The following LRP1B variants were observed in gnomAD, a reference collection of about 807,000 sequenced individuals.
The protein encoded by LRP1B is low-density lipoprotein receptor-related protein 1B.
Under a neutral mutation model 556.6 loss-of-function variants are expected in LRP1B, and 217 were observed. The observed-to-expected ratio is 0.39, with a 90% CI of 0.35 to 0.44. The LOEUF (loss-of-function observed/expected upper bound fraction) is 0.44, where lower values mean the gene tolerates loss of function less well. Among genes scored for constraint, LRP1B ranks in the 20% least tolerant of loss-of-function variants. The probability of loss-of-function intolerance (pLI) is 1.00; values close to 1 mark genes in which losing one functional copy is unlikely to be tolerated. For synonymous variants in LRP1B, 2,047 were observed against 1,865.8 expected (o/e 1.10, Z -2.50); for missense variants, 5,053 against 5,620.8 (o/e 0.90, Z 3.23).
chr2:140,752,610 C>G (rs532977762), intron 35 of LRP1B, among the ~76,000 whole-genome samples: 1 of 152,134 alleles, frequency 6.6e-6, no homozygotes, highest in African/African-American at 2.4e-5. Context: ...CAGGCGTGAG[C>G]CACCACGCCC....
At chr2:141,217,173 G>A (rs1450109651) in intron 6 of LRP1B, among the ~76,000 whole-genome samples, 1 of 152,122 alleles carries the variant, frequency 6.6e-6, no homozygotes, top group African/African-American at 2.4e-5. Flanking sequence ...TTTGGGTCAT[G>A]GGGGTAGATC....
In LRP1B at chr2:140,747,842, G is replaced by T. The variant is rs114887520; in HGVS notation, c.5758+21371C>A. Among the ~76,000 whole-genome samples, 1,270 of 151,938 alleles carry T rather than the reference G, an allele frequency of 8.4e-3. 10 individuals carry two copies. Among genetic ancestry groups the T allele is most frequent in the Non-Finnish European group, 0.015 (1,033 of 67,960 alleles). ...TGATAGAAAATGAGTAACTCTGAAA[G>T]TGTGTAAAGCATTGAAATGAGTAAA... On this transcript the variant is annotated intron_variant, in intron 35 of 90. Coordinates refer to ENST00000389484, the MANE Select transcript of LRP1B (RefSeq NM_018557.3).
chr2:141,891,834 T>C (rs1427808778), intron 1 of LRP1B, among the ~76,000 whole-genome samples: 1 of 152,116 alleles, frequency 6.6e-6, no homozygotes, highest in Admixed American at 6.5e-5. Flanking sequence ...AAACTTTCAG[T>C]TTCTTATCCC....
intron 31 of LRP1B, among the ~76,000 whole-genome samples, chr2:140,821,033 T>C (rs1328755695): frequency 6.6e-6 from 1 of 152,132 alleles, no homozygotes; most frequent in African/African-American, 2.4e-5. Context: ...TTATTTTCAG[T>C]GTCTACTTAA....
At chr2:142,068,004 A>G (rs1270435668) in intron 1 of LRP1B, among the ~76,000 whole-genome samples, 2 of 151,564 alleles carry the variant, frequency 1.3e-5, no homozygotes, top group Admixed American at 1.3e-4. Flanking sequence ...ATACATGGAC[A>G]TGGAAACAAT....
At chr2:140,317,739 T>A (rs1684588221) in intron 82 of LRP1B, among the ~76,000 whole-genome samples, 4 of 152,206 alleles carry the variant, frequency 2.6e-5, no homozygotes, top group East Asian at 1.9e-4. Context: ...TAGATAGGAT[T>A]ATTATGGGGT....
intron 2 of LRP1B, among the ~76,000 whole-genome samples, chr2:141,668,251 A>G (rs11890473): frequency 0.084 from 12,732 of 152,098 alleles, 642 homozygotes; most frequent in African/African-American, 0.13. Flanking sequence ...TTAATTTTAT[A>G]TTTATATTGA....
chr2:140,734,953 A>T (rs1332324967), intron 35 of LRP1B, among the ~76,000 whole-genome samples: 1 of 151,976 alleles, frequency 6.6e-6, no homozygotes, highest in African/African-American at 2.4e-5. Flanking sequence ...AACTCTCCTC[A>T]TTTTCTCTCA....
intron 32 of LRP1B, among the ~76,000 whole-genome samples, chr2:140,786,462 T>A (rs1279388193): frequency 2.0e-5 from 3 of 152,236 alleles, no homozygotes; most frequent in Non-Finnish European, 2.9e-5. Flanking sequence ...GAGGTGGATA[T>A]GTTTGCTTAC....
At position 140,377,095 on chromosome 2, in the gene LRP1B, G is replaced by A. The variant is rs11884337; in HGVS notation, c.10638+1085C>T. On this transcript the variant is annotated intron_variant, in intron 68 of 90. Transcript: ENST00000389484. ...AACAGGATCTTTTTTTGTTGTTGTT[G>A]AGGTGGAGTCTCGCTCTGTCGCCAT... 2.8e-3 allele frequency among the ~76,000 whole-genome samples: 431 copies of A among 152,216 alleles called. 3 individuals are homozygous for A. Among genetic ancestry groups the A allele is most frequent in the African/African-American group, 9.4e-3 (392 of 41,530 alleles).
chr2:140,600,137 TA>T lies in LRP1B; in HGVS notation c.6990-1303del, dbSNP rs148047967. ...ATTACAGGATAAAACACTTGCTAATTAAAACTCATCATATATAATATCATGA... is the reference window on the plus strand; with the variant it reads ...ATTACAGGATAAAACACTTGCTAATTAAACTCATCATATATAATATCATGA... On this transcript the variant is annotated intron_variant, in intron 42 of 90. Coordinates refer to ENST00000389484, the MANE Select transcript of LRP1B (RefSeq NM_018557.3). 7.2e-3 allele frequency among the ~76,000 whole-genome samples: 1,098 copies of T among 152,234 alleles called. 15 individuals carry two copies. Among genetic ancestry groups the T allele is most frequent in the African/African-American group, 0.023 (976 of 41,552 alleles).
chr2:140,925,912 G>A (rs1186185297), intron 20 of LRP1B, among the ~76,000 whole-genome samples: 1 of 152,086 alleles, frequency 6.6e-6, no homozygotes, highest in East Asian at 1.9e-4. Context: ...TACTGTTATT[G>A]TCTAAGGTTT....
chr2:140,969,341 G>T (rs191666642), intron 18 of LRP1B, among the ~76,000 whole-genome samples: 3,172 of 152,238 alleles, frequency 0.021, 47 homozygotes, highest in Middle Eastern at 0.037. Flanking sequence ...CAGAGACTAG[G>T]ATTGCAACCC....
At chr2:140,608,474 C>A (rs574043384) in intron 41 of LRP1B, among the ~76,000 whole-genome samples, 1 of 152,126 alleles carries the variant, frequency 6.6e-6, no homozygotes, top group African/African-American at 2.4e-5. Context: ...GAGATCCAAC[C>A]CTTTCAAAGG....
intron 7 of LRP1B, among the ~76,000 whole-genome samples, chr2:141,161,566 C>T (rs1680035453): frequency 6.6e-6 from 1 of 152,166 alleles, no homozygotes; most frequent in South Asian, 2.1e-4. Flanking sequence ...ACTTCCACAC[C>T]TTTGTAAAGC....
chr2:141,220,538 C>T (rs1401985533), intron 6 of LRP1B, among the ~76,000 whole-genome samples: 1 of 151,222 alleles, frequency 6.6e-6, no homozygotes, highest in Non-Finnish European at 1.5e-5. Flanking sequence ...GCAAGACAGG[C>T]CAACATTCAA....
intron 43 of LRP1B, among the ~76,000 whole-genome samples, chr2:140,598,413 G>A (rs79628576): frequency 0.023 from 3,427 of 152,212 alleles, 152 homozygotes; most frequent in African/African-American, 0.077. Context: ...TTTATGTGTT[G>A]AGCTGTCTCT....
chr2:141,302,188 G>C (rs747587753), intron 3 of LRP1B, among the ~76,000 whole-genome samples: 2 of 151,924 alleles, frequency 1.3e-5, no homozygotes. Flanking sequence ...TTGCAGTTTT[G>C]TCATTCTGTT....
At chr2:140,407,847 G>T (rs936032573) in intron 66 of LRP1B, among the ~76,000 whole-genome samples, 2 of 151,880 alleles carry the variant, frequency 1.3e-5, no homozygotes, top group Admixed American at 6.6e-5. Flanking sequence ...CAAAAGAAAA[G>T]AAGTCATTAT....
Sources: gnomAD v4.1 joint callset for allele counts (sites outside exome capture counted in the v4.1 genomes callset) on GRCh38, gnomAD v4.1.1 for gene constraint, MANE v1.5 for transcripts, NCBI Gene and HGNC (gene_info 2026-07-23, HGNC 2026-07-21) for gene names.